Variants in CDKAL1 observed in about 807,000 individuals in gnomAD.
CDKAL1 encodes CDKAL1 threonylcarbamoyladenosine tRNA methylthiotransferase, also known as threonylcarbamoyladenosine tRNA methylthiotransferase.
Under a neutral mutation model 68.2 loss-of-function variants are expected in CDKAL1, and 32 were observed. That is an observed-to-expected ratio of 0.47 (90% confidence interval 0.35 to 0.63). The LOEUF (loss-of-function observed/expected upper bound fraction) is 0.63. Among genes scored for constraint, CDKAL1 ranks in the 30% least tolerant of loss-of-function variants. The pLI, the probability that CDKAL1 is intolerant of heterozygous loss-of-function variation, is 0.00. For synonymous variants in CDKAL1, 234 were observed against 244.3 expected (o/e 0.96, Z 0.39); for missense variants, 606 against 696.7 (o/e 0.87, Z 1.47).
At chr6:20,680,287 G>A (rs1770317242) in intron 5 of CDKAL1, among the ~76,000 whole-genome samples, 1 of 152,042 alleles carries the variant, frequency 6.6e-6, no homozygotes, top group African/African-American at 2.4e-5. Context: ...GGCTGGTCTC[G>A]AACTCCTGGC....
At chr6:20,704,123 G>T (rs1371412812) in intron 5 of CDKAL1, among the ~76,000 whole-genome samples, 1 of 152,170 alleles carries the variant, frequency 6.6e-6, no homozygotes, top group African/African-American at 2.4e-5. Context: ...AATACTTAAT[G>T]AGCTTATGTG....
At chr6:20,898,347 C>T (rs1761799779) in intron 9 of CDKAL1, among the ~76,000 whole-genome samples, 1 of 150,348 alleles carries the variant, frequency 6.7e-6, no homozygotes, top group Non-Finnish European at 1.5e-5. Flanking sequence ...CCTCCTATGA[C>T]ATTGGGAATT....
chr6:20,556,603 C>T (rs1047011445), intron 4 of CDKAL1, among the ~76,000 whole-genome samples: 2 of 152,220 alleles, frequency 1.3e-5, no homozygotes, highest in African/African-American at 2.4e-5. Context: ...TGCTCCTTTA[C>T]TATCACCATG....
chr6:20,900,569 G>A (rs1394308754), intron 9 of CDKAL1, among the ~76,000 whole-genome samples: 1 of 152,192 alleles, frequency 6.6e-6, no homozygotes, highest in East Asian at 1.9e-4. Flanking sequence ...TAATGATGAG[G>A]CTGAGTGTCA....
intron 4 of CDKAL1, among the ~76,000 whole-genome samples, chr6:20,636,326 T>G (rs1372755677): frequency 1.3e-5 from 2 of 152,220 alleles, no homozygotes; most frequent in East Asian, 3.8e-4. Flanking sequence ...GAGTCTTGGA[T>G]CTTCTATTGC....
chr6:21,201,406 T>G, intron 15 of CDKAL1, 132 bp downstream of exon 15: 1 of 658,518 alleles, frequency 1.5e-6, no homozygotes, highest in Admixed American at 3.5e-5. Flanking sequence ...TAATCCTTTC[T>G]GACAGATTGA....
intron 12 of CDKAL1, among the ~76,000 whole-genome samples, chr6:21,074,862 G>T (rs1319642056): frequency 6.6e-6 from 1 of 151,772 alleles, no homozygotes; most frequent in Non-Finnish European, 1.5e-5. Flanking sequence ...TGGTTATATG[G>T]ATGGATTGTA....
intron 8 of CDKAL1, among the ~76,000 whole-genome samples, chr6:20,818,775 A>T (rs899387330): frequency 1.3e-5 from 2 of 151,576 alleles, no homozygotes; most frequent in Non-Finnish European, 2.9e-5. Context: ...ATATGTATAT[A>T]TTTAAAGTGC....
chr6:20,938,015 CTATCTTACCTTTTACATTCAGTAAT>C (rs1002052969), intron 9 of CDKAL1, among the ~76,000 whole-genome samples: 2 of 152,112 alleles, frequency 1.3e-5, no homozygotes, highest in African/African-American at 4.8e-5. Flanking sequence ...GTTGATTTTC[CTATCTTACCTTTTACATTCAGTAAT>C]TAAAATTATA....
intron 13 of CDKAL1, among the ~76,000 whole-genome samples, chr6:21,114,739 AAAAAAAG>A (rs1352569131): frequency 7.9e-5 from 12 of 152,260 alleles, no homozygotes; most frequent in African/African-American, 2.9e-4. Flanking sequence ...ACATTGTCTC[AAAAAAAG>A]AAAAAAGAAA....
chr6:21,046,818 C>T (rs1031765659), intron 11 of CDKAL1, among the ~76,000 whole-genome samples: 1 of 152,180 alleles, frequency 6.6e-6, no homozygotes, highest in African/African-American at 2.4e-5. Flanking sequence ...ACATATCATC[C>T]AGTTAACAAA....
At chr6:20,939,592 T>C (rs2150692922) in intron 9 of CDKAL1, among the ~76,000 whole-genome samples, 1 of 152,324 alleles carries the variant, frequency 6.6e-6, no homozygotes, top group South Asian at 2.1e-4. Context: ...TGTATTTGGC[T>C]AAGCTTGGGC....
chr6:21,035,818 C>T (rs1210667386), intron 11 of CDKAL1, among the ~76,000 whole-genome samples: 2 of 152,152 alleles, frequency 1.3e-5, no homozygotes, highest in East Asian at 3.9e-4. Context: ...AACACTGATA[C>T]CAATTCATGA....
rs1406343794 is a variant in CDKAL1, at chr6:21,196,157, G to T, written c.1300-1864G>T. Among the ~76,000 whole-genome samples the T allele has an allele frequency of 2.0e-5, 3 of 152,184 alleles. No homozygotes were observed. The East Asian group carries it at 5.8e-4, about 29-fold the overall frequency. On this transcript the variant is annotated intron_variant, in intron 13 of 15. Coordinates refer to ENST00000274695, the MANE Select transcript of CDKAL1 (RefSeq NM_017774.3). ...CTAAGAAGAAGAAAGAAGCAGCATA[G>T]TTTTCAGTGGCTCTACAATTTCACA...
chr6:20,551,879 G>T (rs140218480), intron 4 of CDKAL1, among the ~76,000 whole-genome samples: 2 of 151,972 alleles, frequency 1.3e-5, no homozygotes, highest in East Asian at 1.9e-4. Context: ...TAAGAAAATA[G>T]AATTTATTTA....
At chr6:20,651,019 A>T (rs780788459) in intron 5 of CDKAL1, among the ~76,000 whole-genome samples, 1 of 151,788 alleles carries the variant, frequency 6.6e-6, no homozygotes, top group African/African-American at 2.4e-5. Flanking sequence ...TTTTCTTAGG[A>T]TTGTCTTGGC....
intron 10 of CDKAL1, among the ~76,000 whole-genome samples, chr6:20,962,883 G>A (rs905820671): frequency 6.6e-6 from 1 of 152,088 alleles, no homozygotes; most frequent in Non-Finnish European, 1.5e-5. Context: ...CTAACTGTTG[G>A]CACTGTTTTT....
At chr6:20,780,385 C>G (rs1232505529) in intron 7 of CDKAL1, among the ~76,000 whole-genome samples, 3 of 151,706 alleles carry the variant, frequency 2.0e-5, no homozygotes, top group Non-Finnish European at 2.9e-5. Context: ...ATAATTTTAT[C>G]TCAGCTTTTT....
At chr6:20,534,653 T>C (rs902492125) in intron 1 of CDKAL1, 79 bp downstream of exon 1, 1 of 152,530 alleles carries the variant, frequency 6.6e-6, no homozygotes, top group African/African-American at 2.4e-5. Context: ...TTCTCCAGTT[T>C]CAGTTTTTCT....
Sources: allele counts gnomAD v4.1 joint callset (sites outside exome capture counted in the v4.1 genomes callset), GRCh38; gene constraint gnomAD v4.1.1; transcripts MANE v1.5; gene names NCBI Gene and HGNC (gene_info 2026-07-23, HGNC 2026-07-21).